OPA1: variants seen among roughly 807,000 people sequenced by gnomAD.
OPA1 encodes dynamin-like GTPase OPA1, mitochondrial.
OPA1 carries 59 observed loss-of-function variants against 152.9 expected under a neutral mutation model. The observed-to-expected ratio is 0.39, with a 90% CI of 0.31 to 0.48. OPA1 has a LOEUF of 0.48. OPA1 is among the 20% of genes least tolerant of loss of function. The probability of loss-of-function intolerance (pLI) is 0.96; values close to 1 mark genes in which losing one functional copy is unlikely to be tolerated. For missense variants in OPA1, 1,008 were observed against 1,216.8 expected (o/e 0.83, Z 2.55); for synonymous variants, 400 against 389.9 (o/e 1.03, Z -0.31).
intron 6 of OPA1, chr3:193,624,166 C>T (rs1232015613): frequency 1.3e-5 from 2 of 152,196 alleles, no homozygotes; most frequent in Non-Finnish European, 2.9e-5. Flanking sequence ...GCCTTATAGA[C>T]GCGAGTGAGA....
intron 29 of OPA1, among the ~76,000 whole-genome samples, chr3:193,673,457 C>T (rs2076334943): frequency 6.6e-6 from 1 of 152,200 alleles, no homozygotes; most frequent in Admixed American, 6.5e-5. Flanking sequence ...AGTTAATTTT[C>T]TTTATATGAA....
chr3:193,610,937 C>T (rs556231058), intron 1 of OPA1, among the ~76,000 whole-genome samples: 1 of 152,330 alleles, frequency 6.6e-6, no homozygotes, highest in Admixed American at 6.5e-5. Flanking sequence ...TGTCTGTCAC[C>T]CCTTTCCTTG....
At chr3:193,664,150 T>G (rs1352018108) in intron 26 of OPA1, among the ~76,000 whole-genome samples, 1 of 152,114 alleles carries the variant, frequency 6.6e-6, no homozygotes. Context: ...GTTTGTTCAG[T>G]GCACTTTGCA....
intron 1 of OPA1, among the ~76,000 whole-genome samples, chr3:193,593,689 C>T (rs543404971): frequency 1.1e-3 from 167 of 152,256 alleles, no homozygotes; most frequent in African/African-American, 3.8e-3. Flanking sequence ...TTGTCTCTGC[C>T]CTTTACACCC....
rs76462872 is a variant in OPA1, at chr3:193,601,884, C to T, written c.32+8475C>T. ...GGTTTCAGGGTGACTCATTGGGAAA[C>T]GTGGAGGGGCACTGGCACCCTTGGA... On this transcript the variant is annotated intron_variant, in intron 1 of 30. Transcript: ENST00000361510. Among the ~76,000 whole-genome samples the T allele has an allele frequency of 2.8e-3, 427 of 152,186 alleles. 3 individuals are homozygous for T. Among genetic ancestry groups the T allele is most frequent in the South Asian group, 0.016 (79 of 4,822 alleles).
At position 193,645,800 on chromosome 3, in the gene OPA1, A is replaced by C; in HGVS notation, c.1754A>C (p.Lys585Thr). 1.2e-6 allele frequency: 2 copies of C among 1,605,860 alleles called. No individual in the cohort carries two copies. The highest frequency in any genetic ancestry group is 1.7e-6 in the Non-Finnish European group (2 of 1,172,898). The change falls in exon 18 of 31, where the codon AAG (lysine) becomes ACG (threonine). Residue 585 changes from lysine to threonine, a missense_variant and splice_region_variant. By Grantham distance (78) the Lys-to-Thr change is moderately conservative. Transcript: ENST00000361510. ...TTTTTTCAGAATTCAAAGCTCCTAA[A>C]GTAGGTATCTTGTTAAAACATTTAA... ...EEFFQNSKLLKTSMLKAHQVT... is the reference protein window; with the variant it reads ...EEFFQNSKLLTTSMLKAHQVT...
rs116457270 is a variant in OPA1 at position 193,615,316 on chromosome 3, G to C, written c.351+275G>C. Among the ~76,000 whole-genome samples, 2,374 of 152,270 alleles carry C rather than the reference G, an allele frequency of 0.016. 69 individuals carry two copies. The highest frequency in any genetic ancestry group is 0.055 in the African/African-American group (2,267 of 41,544). ...TTGAGCTTAGACATTTAGTAGCACAGATGTGAAAGTCAGGTGGCATTCTCA... is the reference window on the plus strand; with the variant it reads ...TTGAGCTTAGACATTTAGTAGCACACATGTGAAAGTCAGGTGGCATTCTCA... On this transcript the variant is annotated intron_variant, in intron 2 of 30. Transcript: ENST00000361510.
At chr3:193,691,890 A>T in intron 29 of OPA1, 173 bp from the exon 30 acceptor site, 1 of 550,204 alleles carries the variant, frequency 1.8e-6, no homozygotes, top group East Asian at 3.0e-5. Context: ...AATGTCTGAG[A>T]CCTACTACTA....
In OPA1 at chr3:193,643,580, G is replaced by A; in HGVS notation, c.1430G>A (p.Ser477Asn). Residue 477 changes from serine (S) to asparagine (N), a missense_variant, in exon 15 of 31, where the codon AGC becomes AAC. Ser to Asn is a conservative substitution (Grantham distance 46). Coordinates refer to ENST00000361510, the MANE Select transcript of OPA1 (RefSeq NM_130837.3). ...ACAAAGGAAACTATTTTCAGTATCA[G>A]CAAAGCTTACATGCAGAATCCTAAT... is the stretch of plus-strand genomic sequence containing the variant. ...PDTKETIFSI[S>N]KAYMQNPNAI... 1 of 1,613,832 alleles carries A rather than the reference G, an allele frequency of 6.2e-7. No homozygotes were observed. Among genetic ancestry groups the A allele is most frequent in the Non-Finnish European group, 8.5e-7 (1 of 1,179,908 alleles).
At chr3:193,645,834 C>G (rs1300390062) in intron 18 of OPA1, 34 bp downstream of exon 18, 1 of 1,491,192 alleles carries the variant, frequency 6.7e-7, no homozygotes. Context: ...AAACATTTTA[C>G]AGTAAGAGAG....
chr3:193,645,631 C>T lies in OPA1; in HGVS notation c.1681+6C>T. ...TGCTGTTGTAACAGGAAAAGGTATG[C>T]AAAGATGGATTATAATAACTTATTT... is the stretch of plus-strand genomic sequence containing the variant. On this transcript the variant is annotated splice_donor_region_variant and intron_variant, in intron 17 of 30. Transcript: ENST00000361510. 6.2e-7 allele frequency: 1 copy of T among 1,609,460 alleles called. No individual in the cohort carries two copies. Among genetic ancestry groups the T allele is most frequent in the South Asian group, 1.1e-5 (1 of 90,950 alleles).
At chr3:193,607,087 A>G (rs190391378) in intron 1 of OPA1, among the ~76,000 whole-genome samples, 2 of 152,282 alleles carry the variant, frequency 1.3e-5, no homozygotes, top group African/African-American at 4.8e-5. Context: ...GTCTGTTCAT[A>G]TCCTTCACCC....
chr3:193,663,173 T>C (rs748633197), intron 26 of OPA1, among the ~76,000 whole-genome samples: 66 of 152,160 alleles, frequency 4.3e-4, no homozygotes, highest in Non-Finnish European at 7.8e-4. Flanking sequence ...ATGCTTTAAT[T>C]TGTAAATGGA....
At chr3:193,685,854 AT>A (rs1720867571) in intron 29 of OPA1, among the ~76,000 whole-genome samples, 1 of 152,220 alleles carries the variant, frequency 6.6e-6, no homozygotes, top group South Asian at 2.1e-4. Context: ...TGGACTTTGA[AT>A]TCTCCTGGAC....
chr3:193,643,306 CA>C (rs1035804635), intron 13 of OPA1, 66 bp from the exon 14 acceptor site: 160 of 1,316,056 alleles, frequency 1.2e-4, no homozygotes, highest in Non-Finnish European at 1.5e-4. Flanking sequence ...TACATTTCAC[CA>C]AAAAAAATTC....
chr3:193,654,187 A>C (rs1313326110), intron 21 of OPA1, among the ~76,000 whole-genome samples: 5 of 152,168 alleles, frequency 3.3e-5, no homozygotes, highest in Admixed American at 6.5e-5. Flanking sequence ...ACATAATACT[A>C]CACAGAAATA....
Position 193,654,950 on chromosome 3 carries a change from T to A in OPA1, c.2101T>A (p.Ser701Thr). The change falls in exon 22 of 31, where the codon TCA (serine) becomes ACA (threonine). Residue 701 changes from serine to threonine, a missense_variant. Transcript: ENST00000361510. Reference protein sequence around the residue: ...IYLPAAQTMNSGTFNTTVDIK... With the variant: ...IYLPAAQTMNTGTFNTTVDIK... ...CCTTCCAGCTGCGCAGACCATGAAT[T>A]CAGGAACTTTTAACACCACAGTGGA... The A allele has an allele frequency of 1.2e-6, 2 of 1,613,976 alleles. No homozygotes were observed. Among genetic ancestry groups the A allele is most frequent in the Non-Finnish European group, 1.7e-6 (2 of 1,179,944 alleles).
chr3:193,648,888 A>C lies in OPA1; in HGVS notation c.2012+17A>C. The stretch of plus-strand genomic sequence containing the variant: ...AAAACATTGGTAAGTATTTGATATT[A>C]ATCTCTTTTCTGAAAGACTTTACTG... On this transcript the variant is annotated intron_variant, in intron 21 of 30. Coordinates refer to ENST00000361510, the MANE Select transcript of OPA1 (RefSeq NM_130837.3). 1 of 1,498,346 alleles carries C rather than the reference A, an allele frequency of 6.7e-7. No homozygotes were observed. The highest frequency in any genetic ancestry group is 9.3e-7 in the Non-Finnish European group (1 of 1,074,860). 92.8% of individuals were successfully genotyped at this position (1,498,346 alleles called of 1,614,324 possible). A position where few individuals can be genotyped will look rare whatever the true frequency, so the allele number is the denominator to read the frequency against.
chr3:193,667,862 C>G (rs564300238), intron 29 of OPA1, among the ~76,000 whole-genome samples: 14 of 152,144 alleles, frequency 9.2e-5, no homozygotes, highest in African/African-American at 3.4e-4. Context: ...AAGTTTCACC[C>G]GTTGTCCCAG....
Sources: allele counts gnomAD v4.1 joint callset (sites outside exome capture counted in the v4.1 genomes callset), GRCh38; gene constraint gnomAD v4.1.1; transcripts MANE v1.5; gene names NCBI Gene and HGNC (gene_info 2026-07-23, HGNC 2026-07-21).